NLGN1: variants seen among roughly 807,000 people sequenced by gnomAD.
The protein encoded by NLGN1 is neuroligin 1, also known as neuroligin-1.
In NLGN1, 12 loss-of-function variants were observed where a neutral mutation model predicts 65.5. The observed-to-expected ratio is 0.18, with a 90% CI of 0.12 to 0.30. The LOEUF (loss-of-function observed/expected upper bound fraction) is 0.30. NLGN1 is among the 10% of genes least tolerant of loss of function. The pLI is 1.00. For missense variants in NLGN1, 750 were observed against 1,007.1 expected, an observed-to-expected ratio of 0.74 and a Z score of 3.46; for synonymous variants, 350 against 359.5, an observed-to-expected ratio of 0.97 and a Z score of 0.30.
intron 4 of NLGN1, among the ~76,000 whole-genome samples, chr3:174,010,171 AAACAT>A (rs1444224491): frequency 2.0e-5 from 3 of 152,206 alleles, no homozygotes; most frequent in Admixed American, 6.5e-5. Flanking sequence ...GTTCAAATCA[AAACAT>A]AATACCTCTG....
At chr3:173,666,966 A>G (rs1184908423) in intron 3 of NLGN1, among the ~76,000 whole-genome samples, 6 of 152,220 alleles carry the variant, frequency 3.9e-5, no homozygotes, top group African/African-American at 1.2e-4. Context: ...TCCTTTGCAC[A>G]TATTCAGAGA....
In NLGN1 at chr3:174,272,708, TATAG is replaced by T. The variant is rs1468003641; in HGVS notation, c.647-2597_647-2594del. Among the ~76,000 whole-genome samples, 428 of 143,442 alleles carry T rather than the reference TATAG, an allele frequency of 3.0e-3. 7 individuals are homozygous for T. In the East Asian group the frequency reaches 0.031, roughly 10 times the overall value. The allele number at this position is 143,442 out of a possible 152,430, so 94.1% of individuals were successfully genotyped here. A position where few individuals can be genotyped will look rare whatever the true frequency, so the allele number is the denominator to read the frequency against. The stretch of plus-strand genomic sequence containing the variant: ...ATAGATAGATAGATAGATAGATAGA[TATAG>T]ATAGATAGAAAGATAGATAGATGAT... On this transcript the variant is annotated intron_variant, in intron 4 of 6. Transcript: ENST00000457714.
Position 173,426,688 on chromosome 3 carries a change from G to A in NLGN1, c.-389-8322G>A, listed in dbSNP as rs1716173524. On this transcript the variant is annotated intron_variant, in intron 1 of 6. Transcript: ENST00000457714. ...CCTGGGATAAATCTTGCTTGATCAT[G>A]ATGAATAATCTTTTTGATATGCTGT... Among the ~76,000 whole-genome samples the A allele has an allele frequency of 3.9e-5, 6 of 151,944 alleles. No homozygotes were observed. The South Asian group carries it at 1.0e-3, about 26-fold the overall frequency.
chr3:173,638,460 A>C (rs1756935546), intron 3 of NLGN1, among the ~76,000 whole-genome samples: 1 of 152,140 alleles, frequency 6.6e-6, no homozygotes, highest in Non-Finnish European at 1.5e-5. Flanking sequence ...TTAAAATAAA[A>C]TTTAAGATCA....
chr3:174,209,623 CTTTT>C (rs796169913), intron 4 of NLGN1, among the ~76,000 whole-genome samples: 4 of 82,070 alleles, frequency 4.9e-5, no homozygotes, highest in Non-Finnish European at 7.1e-5. Flanking sequence ...ACCTTTCTTT[CTTTT>C]TTTTTTTTTT....
At chr3:174,281,822 AAAG>A (rs1316917341) in exon 7 of NLGN1, 1 of 153,132 alleles carries the variant, frequency 6.5e-6, no homozygotes, top group African/African-American at 2.4e-5. Flanking sequence ...CCAGTAAAAC[AAAG>A]AAGTTTAAAG....
intron 2 of NLGN1, among the ~76,000 whole-genome samples, chr3:173,512,525 C>T (rs1214260290): frequency 6.6e-6 from 1 of 152,208 alleles, no homozygotes; most frequent in Non-Finnish European, 1.5e-5. Flanking sequence ...CTTCTAACCT[C>T]TGCCGGCTGA....
chr3:174,157,313 T>C (rs1725623539), intron 4 of NLGN1, among the ~76,000 whole-genome samples: 2 of 151,574 alleles, frequency 1.3e-5, no homozygotes, highest in Admixed American at 1.3e-4. Context: ...TTTTTCCCCC[T>C]CTTTCTCATC....
At chr3:173,428,546 AT>A (rs1257635421) in intron 1 of NLGN1, among the ~76,000 whole-genome samples, 1 of 152,034 alleles carries the variant, frequency 6.6e-6, no homozygotes, top group African/African-American at 2.4e-5. Flanking sequence ...AAAGAAAAAA[AT>A]GATTCAATTT....
intron 4 of NLGN1, among the ~76,000 whole-genome samples, chr3:173,844,297 T>C (rs1200891764): frequency 6.6e-6 from 1 of 152,110 alleles, no homozygotes; most frequent in East Asian, 1.9e-4. Flanking sequence ...GTCAAGAAGT[T>C]TGGTAGTAGA....
At chr3:173,747,801 CTT>C (rs749749824) in intron 3 of NLGN1, among the ~76,000 whole-genome samples, 15,280 of 64,578 alleles carry the variant, frequency 0.24, 3,307 homozygotes, top group East Asian at 0.42. Context: ...TCTTCTTGTT[CTT>C]TTTTTTTTTT....
chr3:173,600,227 G>T (rs1010949613), intron 2 of NLGN1, among the ~76,000 whole-genome samples: 1 of 71,340 alleles, frequency 1.4e-5, no homozygotes, highest in South Asian at 5.5e-4. Context: ...ACACACACAC[G>T]TGTATGTCTT....
At chr3:173,983,795 C>G (rs1260303702) in intron 4 of NLGN1, among the ~76,000 whole-genome samples, 2 of 152,112 alleles carry the variant, frequency 1.3e-5, no homozygotes, top group African/African-American at 4.8e-5. Context: ...AACCCCCATC[C>G]TCACCATAAC....
intron 2 of NLGN1, among the ~76,000 whole-genome samples, chr3:173,437,066 G>A (rs1718271331): frequency 6.6e-6 from 1 of 152,170 alleles, no homozygotes; most frequent in African/African-American, 2.4e-5. Flanking sequence ...TCAGACATTA[G>A]CAATAAGAAG....
intron 4 of NLGN1, chr3:173,910,606 A>G (rs550968978): frequency 6.6e-6 from 1 of 152,370 alleles, no homozygotes; most frequent in South Asian, 2.1e-4. Context: ...CAAGGTATGC[A>G]GATTTTTCAA....
chr3:174,135,072 A>G (rs1720960176), intron 4 of NLGN1, among the ~76,000 whole-genome samples: 1 of 152,194 alleles, frequency 6.6e-6, no homozygotes, highest in African/African-American at 2.4e-5. Context: ...TCTTTATTAT[A>G]ATACCTATCA....
intron 2 of NLGN1, among the ~76,000 whole-genome samples, chr3:173,592,568 C>T (rs1250130948): frequency 2.0e-5 from 3 of 152,120 alleles, no homozygotes; most frequent in Non-Finnish European, 2.9e-5. Flanking sequence ...GTTTCGTCCC[C>T]CCTGGCTGCA....
chr3:173,702,561 C>A (rs1312436225), intron 3 of NLGN1, among the ~76,000 whole-genome samples: 1 of 152,116 alleles, frequency 6.6e-6, no homozygotes, highest in African/African-American at 2.4e-5. Context: ...AGATGATGAT[C>A]AAAAAGAATT....
chr3:174,186,004 C>A (rs1731332709), intron 4 of NLGN1, among the ~76,000 whole-genome samples: 1 of 151,856 alleles, frequency 6.6e-6, no homozygotes, highest in South Asian at 2.1e-4. Flanking sequence ...AAGCTTAGAC[C>A]ACAATAGGTA....
Sources: gnomAD v4.1 joint callset for allele counts (sites outside exome capture counted in the v4.1 genomes callset) on GRCh38, gnomAD v4.1.1 for gene constraint, MANE v1.5 for transcripts, NCBI Gene and HGNC (gene_info 2026-07-23, HGNC 2026-07-21) for gene names.